INPP5K: variants seen among roughly 807,000 people sequenced by gnomAD.
INPP5K encodes inositol polyphosphate 5-phosphatase K.
Under a neutral mutation model 53.5 loss-of-function variants are expected in INPP5K, and 35 were observed. The ratio of observed to expected loss-of-function variants is 0.65; its 90% CI spans 0.50 to 0.87. INPP5K has a LOEUF of 0.87. INPP5K is among the 40% of genes least tolerant of loss of function. The pLI is 0.00. For missense variants in INPP5K, 550 were observed against 586.2 expected (o/e 0.94, Z 0.64); for synonymous variants, 253 against 232.8 (o/e 1.09, Z -0.79).
At chr17:1,504,995 C>G (rs1212135893) in intron 7 of INPP5K, among the ~76,000 whole-genome samples, 1 of 152,262 alleles carries the variant, frequency 6.6e-6, no homozygotes, top group Non-Finnish European at 1.5e-5. Flanking sequence ...TCTACCCTTT[C>G]TGACCCTGCC....
chr17:1,498,248 C>A, intron 7 of INPP5K, 126 bp from the exon 8 acceptor site: 1 of 794,888 alleles, frequency 1.3e-6, no homozygotes, highest in Non-Finnish European at 2.0e-6. Context: ...GCCACAGACC[C>A]CCGGGGCCAG....
Position 1,513,849 on chromosome 17 carries a change from C to T in INPP5K, c.152+23G>A, listed in dbSNP as rs201178089. The T allele has an allele frequency of 1.1e-4, 167 of 1,556,150 alleles. No homozygotes were observed. In the African/African-American group the frequency reaches 1.5e-3, roughly 14 times the overall value. On this transcript the variant is annotated intron_variant, in intron 2 of 11. Transcript: ENST00000421807. ...AAACCTGGGACTGGTCAGGGATGGGCGAAGGAGCCTGCAGATACCTACCCA... is the reference window on the plus strand; with the variant it reads ...AAACCTGGGACTGGTCAGGGATGGGTGAAGGAGCCTGCAGATACCTACCCA...
intron 3 of INPP5K, among the ~76,000 whole-genome samples, chr17:1,512,881 C>T (rs572547940): frequency 8.5e-5 from 13 of 152,304 alleles, no homozygotes; most frequent in African/African-American, 3.1e-4. Flanking sequence ...TCTTAGAGTT[C>T]ACCAGCATAG....
Position 1,496,376 on chromosome 17 carries a change from G to C in INPP5K, c.1128C>G (p.Tyr376Ter), listed in dbSNP as rs372068677. The change falls in exon 10 of 12, where the codon TAC (tyrosine) becomes TAG (stop). Residue 376 changes from tyrosine (Y) to a stop codon, truncating the protein, a stop_gained. Coordinates refer to ENST00000421807, the MANE Select transcript of INPP5K (RefSeq NM_016532.4). LOFTEE classifies it high-confidence loss of function. The stretch of plus-strand genomic sequence containing the variant: ...TGTCCCCGACCCAGGCATAGGACAC[G>C]TAGTCATTAACGTCCCGCAGCCCCA... Reference protein sequence around the residue: ...YKVGLRDVNDYVSYAWVGDSK... With the variant: ...YKVGLRDVND 6.4e-7 allele frequency: 1 copy of C among 1,564,674 alleles called. No individual in the cohort carries two copies. Among genetic ancestry groups the C allele is most frequent in the Non-Finnish European group, 8.7e-7 (1 of 1,154,204 alleles).
chr17:1,496,640 G>A, intron 9 of INPP5K, 26 bp downstream of exon 9: 2 of 1,612,928 alleles, frequency 1.2e-6, no homozygotes, highest in Non-Finnish European at 1.7e-6. Context: ...GTCGCTGATG[G>A]ACTTCCTGCC....
At chr17:1,502,890 G>A (rs1598373525) in intron 7 of INPP5K, among the ~76,000 whole-genome samples, 1 of 151,250 alleles carries the variant, frequency 6.6e-6, no homozygotes, top group Non-Finnish European at 1.5e-5. Context: ...ACCATGCCCA[G>A]CTGTTTTTTT....
chr17:1,513,722 A>C, intron 2 of INPP5K, 150 bp downstream of exon 2: 1 of 860,624 alleles, frequency 1.2e-6, no homozygotes, highest in Non-Finnish European at 1.9e-6. Context: ...GCCGTTGCTG[A>C]CCCGGGACCA....
Position 1,509,205 on chromosome 17 carries a change from C to T in INPP5K, c.527G>A (p.Arg176Gln), listed in dbSNP as rs1261552106. ...GTGGTCCAGGATGTTTGGGATGTCTCGCCCCTCACAATTCTGCATCTCCAG... is the reference window on the plus strand; with the variant it reads ...GTGGTCCAGGATGTTTGGGATGTCTTGCCCCTCACAATTCTGCATCTCCAG... ...RILEMQNCEG[R>Q]DIPNILDHDL... The change falls in exon 5 of 12, where the codon CGA becomes CAA. Residue 176 changes from arginine to glutamine, a missense_variant. Transcript: ENST00000421807. 18 of 1,613,396 alleles carry T rather than the reference C, an allele frequency of 1.1e-5. No homozygotes were observed. Among genetic ancestry groups the T allele is most frequent in the East Asian group, 2.2e-5 (1 of 44,888 alleles).
chr17:1,514,051 G>C, intron 1 of INPP5K, 72 bp from the exon 2 acceptor site: 1 of 1,035,886 alleles, frequency 9.7e-7, no homozygotes, highest in South Asian at 1.5e-5. Flanking sequence ...GCTGGGCGCA[G>C]AGGCTCACAC....
intron 3 of INPP5K, among the ~76,000 whole-genome samples, chr17:1,511,112 C>G (rs1267936273): frequency 1.3e-5 from 2 of 152,146 alleles, no homozygotes; most frequent in Non-Finnish European, 2.9e-5. Flanking sequence ...AGGCAACGCC[C>G]ATGGAATGCC....
At chr17:1,515,322 G>T in intron 1 of INPP5K, 2 of 509,544 alleles carry the variant, frequency 3.9e-6, no homozygotes, top group Non-Finnish European at 5.1e-6. Flanking sequence ...GTCATCAGTT[G>T]GATATTTTCC....
chr17:1,512,577 C>T (rs2075334178), intron 3 of INPP5K, among the ~76,000 whole-genome samples: 1 of 152,154 alleles, frequency 6.6e-6, no homozygotes, highest in Non-Finnish European at 1.5e-5. Context: ...TATTTCTAAG[C>T]AGCTGTATAC....
chr17:1,515,655 A>C, intron 1 of INPP5K: 1 of 944,282 alleles, frequency 1.1e-6, no homozygotes, highest in Non-Finnish European at 1.3e-6. Flanking sequence ...CTCCTCCAAC[A>C]GACCCCGTCC....
At chr17:1,513,376 C>T in intron 3 of INPP5K, 77 bp downstream of exon 3, 1 of 1,093,478 alleles carries the variant, frequency 9.1e-7, no homozygotes, top group African/African-American at 1.5e-5. Flanking sequence ...GTAAGAGGAA[C>T]ACATCAGACC....
intron 7 of INPP5K, among the ~76,000 whole-genome samples, chr17:1,501,858 AAC>A (rs144743570): frequency 0.023 from 3,356 of 147,474 alleles, 149 homozygotes; most frequent in African/African-American, 0.079. Context: ...CTCTACTAAA[AAC>A]ACACACACAC....
At chr17:1,513,388 A>C (rs2075352563) in intron 3 of INPP5K, 65 bp downstream of exon 3, 3 of 1,230,622 alleles carry the variant, frequency 2.4e-6, no homozygotes, top group Non-Finnish European at 3.6e-6. Flanking sequence ...CATCAGACCC[A>C]ACAAGCAGGG....
Position 1,495,465 on chromosome 17 carries a change from G to C in INPP5K, c.*358C>G, listed in dbSNP as rs1216329928. 6 of 256,668 alleles carry C rather than the reference G, an allele frequency of 2.3e-5. No homozygotes were observed. Among genetic ancestry groups the C allele is most frequent in the Non-Finnish European group, 4.5e-5 (6 of 132,652 alleles). The allele number at this position is 256,668 out of a possible 1,614,324, so 15.9% of individuals were successfully genotyped here. ...CCTGAGGCCCAGGACGGCACGACAAGAATGCAGGCCTGTGCCAAATGGGGC... is the reference window on the plus strand; with the variant it reads ...CCTGAGGCCCAGGACGGCACGACAACAATGCAGGCCTGTGCCAAATGGGGC... On this transcript the variant is annotated 3_prime_UTR_variant, in exon 12 of 12. Transcript: ENST00000421807.
chr17:1,504,279 G>C (rs1037172096), intron 7 of INPP5K, among the ~76,000 whole-genome samples: 2 of 152,234 alleles, frequency 1.3e-5, no homozygotes, highest in Non-Finnish European at 2.9e-5. Context: ...CGCAAGGCTG[G>C]GGGTGGCACA....
chr17:1,516,138 A>G (rs1430343383), intron 1 of INPP5K: 4 of 1,271,100 alleles, frequency 3.1e-6, no homozygotes, highest in Non-Finnish European at 4.0e-6. Context: ...AGTAGGAAAA[A>G]GATTTCTAAC....
Sources: allele counts gnomAD v4.1 joint callset (sites outside exome capture counted in the v4.1 genomes callset), GRCh38; gene constraint gnomAD v4.1.1; transcripts MANE v1.5; gene names NCBI Gene and HGNC (gene_info 2026-07-23, HGNC 2026-07-21).